Variants in ANKFN1 observed in about 807,000 individuals in gnomAD.
ANKFN1 encodes the protein ankyrin repeat and fibronectin type-III domain-containing protein 1.
ANKFN1 carries 74 observed loss-of-function variants against 108.7 expected under a neutral mutation model. The observed-to-expected ratio is 0.68, with a 90% CI of 0.56 to 0.83. The LOEUF (loss-of-function observed/expected upper bound fraction) is 0.83, where lower values mean the gene tolerates loss of function less well. Ranked by LOEUF, ANKFN1 falls within the 40% of genes least tolerant of loss-of-function variation. The pLI, the probability that ANKFN1 is intolerant of heterozygous loss-of-function variation, is 0.00. For synonymous variants in ANKFN1, 547 were observed against 516.2 expected, an observed-to-expected ratio of 1.06 and a Z score of -0.81; for missense variants, 1,505 against 1,382.3, an observed-to-expected ratio of 1.09 and a Z score of -1.41.
At position 56,350,832 on chromosome 17, in the gene ANKFN1, T is replaced by G. The variant is rs747095155; in HGVS notation, c.255T>G (p.Ser85Arg). The change falls in exon 5 of 21, where the codon AGT becomes AGG. Residue 85 changes from serine (S) to arginine (R), a missense_variant. Coordinates refer to ENST00000682825, the MANE Select transcript of ANKFN1 (RefSeq NM_001370326.1). ...ATCTCTGTCAGTCAAAAAAACATAG[T>G]GCTCCCTCATCTCCCAACGCAGCCA... ...NLHLCQSKKH[S>R]APSSPNAAKR... 1 of 1,613,834 alleles carries G rather than the reference T, an allele frequency of 6.2e-7. No homozygotes were observed. Among genetic ancestry groups the G allele is most frequent in the Non-Finnish European group, 8.5e-7 (1 of 1,179,844 alleles).
chr17:56,071,921 A>T (rs971743658), intron 4 of ANKFN1, among the ~76,000 whole-genome samples: 22 of 152,358 alleles, frequency 1.4e-4, no homozygotes, highest in African/African-American at 4.8e-4. Context: ...CCATTTGCTG[A>T]TTGGTCATTC....
At chr17:56,082,600 T>C (rs763591704) in intron 4 of ANKFN1, among the ~76,000 whole-genome samples, 4 of 152,228 alleles carry the variant, frequency 2.6e-5, no homozygotes, top group Non-Finnish European at 5.9e-5. Flanking sequence ...TTTCTAGGTC[T>C]CCATTTTACT....
At chr17:56,284,339 A>C (rs1349343338) in intron 3 of ANKFN1, among the ~76,000 whole-genome samples, 1 of 152,206 alleles carries the variant, frequency 6.6e-6, no homozygotes, top group Non-Finnish European at 1.5e-5. Context: ...TAAAATTTCC[A>C]ATTGTAACTC....
intron 2 of ANKFN1, among the ~76,000 whole-genome samples, chr17:56,213,470 T>A (rs1915187935): frequency 6.6e-6 from 1 of 152,146 alleles, no homozygotes; most frequent in Non-Finnish European, 1.5e-5. Flanking sequence ...AAGTCAGTCA[T>A]TCTCACTTCA....
intron 4 of ANKFN1, among the ~76,000 whole-genome samples, chr17:56,334,419 A>G (rs1394511064): frequency 6.6e-6 from 1 of 152,160 alleles, no homozygotes. Context: ...AAATGGTTTC[A>G]TGAGTGAACA....
chr17:56,478,992 C>T (rs2050607096), intron 16 of ANKFN1, among the ~76,000 whole-genome samples: 1 of 152,222 alleles, frequency 6.6e-6, no homozygotes, highest in Non-Finnish European at 1.5e-5. Context: ...ACCATATTCT[C>T]TCTTCACTTA....
In ANKFN1 at chr17:56,440,085, G is replaced by A. The variant is rs998576775; in HGVS notation, c.911-242G>A. ...TACAATATACATTATATTTATCAAG[G>A]CTCAAAAAAACTGATAAGTTTTTAT... On this transcript the variant is annotated intron_variant, in intron 8 of 20. Coordinates refer to ENST00000682825, the MANE Select transcript of ANKFN1 (RefSeq NM_001370326.1). Among the ~76,000 whole-genome samples, 6 of 69,920 alleles carry A rather than the reference G, an allele frequency of 8.6e-5. No homozygotes were observed. The Admixed American group carries it at 9.9e-4, about 11-fold the overall frequency. 45.9% of individuals were successfully genotyped at this position (69,920 alleles called of 152,430 possible). A position where few individuals can be genotyped will look rare whatever the true frequency, so the allele number is the denominator to read the frequency against.
intron 3 of ANKFN1, among the ~76,000 whole-genome samples, chr17:56,284,125 A>G (rs530822075): frequency 1.0e-3 from 156 of 152,302 alleles, no homozygotes; most frequent in African/African-American, 3.6e-3. Context: ...GTGTGTGTGC[A>G]CACATGCTCA....
chr17:56,159,186 A>T (rs1433222736), intron 1 of ANKFN1, among the ~76,000 whole-genome samples: 1 of 152,214 alleles, frequency 6.6e-6, no homozygotes, highest in Non-Finnish European at 1.5e-5. Context: ...AATGAAAGTC[A>T]TCATTCTGCA....
At chr17:56,274,398 G>C (rs920115020) in intron 3 of ANKFN1, among the ~76,000 whole-genome samples, 2 of 152,102 alleles carry the variant, frequency 1.3e-5, no homozygotes, top group African/African-American at 4.8e-5. Flanking sequence ...GCGTGAACCC[G>C]GGAGGCGGAG....
chr17:56,122,008 A>T (rs1906655574), intron 4 of ANKFN1, among the ~76,000 whole-genome samples: 3 of 152,170 alleles, frequency 2.0e-5, no homozygotes. Flanking sequence ...GGTGCTTTAT[A>T]ACTGACAAAC....
At chr17:56,193,580 T>TA (rs1211179679) in intron 1 of ANKFN1, among the ~76,000 whole-genome samples, 244 of 140,960 alleles carry the variant, frequency 1.7e-3, no homozygotes, top group Middle Eastern at 3.8e-3. Context: ...TGTAGCGTTT[T>TA]AAAAAAAAAA....
chr17:56,129,956 C>CTATA, intron 4 of ANKFN1, among the ~76,000 whole-genome samples: 1 of 152,312 alleles, frequency 6.6e-6, no homozygotes, highest in Middle Eastern at 3.4e-3. Flanking sequence ...ATATAGCTTA[C>CTATA]TATAATTCAT....
At chr17:56,465,681 G>A (rs532742296) in intron 14 of ANKFN1, among the ~76,000 whole-genome samples, 15 of 152,254 alleles carry the variant, frequency 9.9e-5, no homozygotes, top group Non-Finnish European at 1.8e-4. Context: ...ATAACTACCT[G>A]AGCCCCTCCA....
intron 4 of ANKFN1, among the ~76,000 whole-genome samples, chr17:56,347,685 A>G (rs548580490): frequency 1.3e-5 from 2 of 152,244 alleles, no homozygotes; most frequent in South Asian, 4.1e-4. Flanking sequence ...AAAAGAAAAC[A>G]TAATGATAGA....
intron 4 of ANKFN1, among the ~76,000 whole-genome samples, chr17:56,130,994 G>T (rs920334408): frequency 6.6e-6 from 1 of 151,974 alleles, no homozygotes; most frequent in Non-Finnish European, 1.5e-5. Context: ...AAAGCAAAAA[G>T]GCATATGTCT....
intron 1 of ANKFN1, among the ~76,000 whole-genome samples, chr17:56,160,592 A>G (rs980166363): frequency 6.6e-6 from 1 of 152,332 alleles, no homozygotes; most frequent in South Asian, 2.1e-4. Flanking sequence ...CATAAGAGAT[A>G]AAGAGTTCCA....
chr17:56,072,121 A>AT (rs567469430), intron 4 of ANKFN1, among the ~76,000 whole-genome samples: 174 of 152,370 alleles, frequency 1.1e-3, no homozygotes, highest in African/African-American at 4.1e-3. Context: ...ATAAATCTGT[A>AT]TACAGTATTC....
intron 11 of ANKFN1, among the ~76,000 whole-genome samples, chr17:56,452,703 A>G (rs1181029047): frequency 6.6e-6 from 1 of 152,218 alleles, no homozygotes; most frequent in East Asian, 1.9e-4. Context: ...TAGAATATTT[A>G]ATGCTTGCAT....
Sources: gnomAD v4.1 joint callset for allele counts (sites outside exome capture counted in the v4.1 genomes callset) on GRCh38, gnomAD v4.1.1 for gene constraint, MANE v1.5 for transcripts, NCBI Gene and HGNC (gene_info 2026-07-23, HGNC 2026-07-21) for gene names.